The following TCF25 variants were observed in gnomAD, a reference collection of about 807,000 sequenced individuals.
TCF25 encodes the protein TCF25 ribosome quality control complex subunit, also known as ribosome quality control complex subunit TCF25.
A neutral mutation model predicts 83.1 loss-of-function variants in TCF25; 41 were observed. The ratio of observed to expected loss-of-function variants is 0.49; its 90% CI spans 0.38 to 0.64. TCF25 has a LOEUF of 0.64. TCF25 is among the 30% of genes least tolerant of loss of function. The pLI, the probability that TCF25 is intolerant of heterozygous loss-of-function variation, is 0.00. For missense variants in TCF25, 979 were observed against 914.5 expected (o/e 1.07, Z -0.91); for synonymous variants, 458 against 365.0 (o/e 1.25, Z -2.90).
At chr16:89,892,652 G>C (rs1022543870) in intron 6 of TCF25, among the ~76,000 whole-genome samples, 1 of 152,260 alleles carries the variant, frequency 6.6e-6, no homozygotes, top group Non-Finnish European at 1.5e-5. Context: ...AAGCAATCGA[G>C]TTCATTTTAA....
At chr16:89,894,686 C>T (rs971362303) in intron 7 of TCF25, among the ~76,000 whole-genome samples, 3 of 152,118 alleles carry the variant, frequency 2.0e-5, no homozygotes, top group Admixed American at 6.6e-5. Context: ...TTTTTGGAGT[C>T]GGAATCTCAC....
At chr16:89,895,912 G>C in intron 8 of TCF25, 78 bp from the exon 9 acceptor site, 1 of 1,335,816 alleles carries the variant, frequency 7.5e-7, no homozygotes, top group Non-Finnish European at 1.1e-6. Context: ...ACCTTTCCTT[G>C]TTGTCCATTA....
intron 2 of TCF25, 69 bp from the exon 3 acceptor site, chr16:89,884,513 G>C (rs1220822870): frequency 6.5e-7 from 1 of 1,547,566 alleles, no homozygotes; most frequent in African/African-American, 1.4e-5. Context: ...AGTCACGCTT[G>C]CTGCTTTAAT....
At chr16:89,875,236 C>G (rs964009968) in intron 1 of TCF25, among the ~76,000 whole-genome samples, 2 of 152,142 alleles carry the variant, frequency 1.3e-5, no homozygotes, top group Non-Finnish European at 2.9e-5. Context: ...TTTTACACTT[C>G]TTTGGTAGTG....
chr16:89,906,996 G>C (rs1422363570), intron 15 of TCF25, among the ~76,000 whole-genome samples: 1 of 152,058 alleles, frequency 6.6e-6, no homozygotes, highest in Non-Finnish European at 1.5e-5. Context: ...CACACACTCT[G>C]GTGTGCAGGG....
chr16:89,889,255 C>G (rs958984912), intron 5 of TCF25: 1 of 397,652 alleles, frequency 2.5e-6, no homozygotes, highest in African/African-American at 2.1e-5. Flanking sequence ...GTTGTCCAGT[C>G]TGGTTTTGAA....
At chr16:89,895,876 C>A in intron 8 of TCF25, 114 bp from the exon 9 acceptor site, 1 of 897,076 alleles carries the variant, frequency 1.1e-6, no homozygotes, top group Non-Finnish European at 1.7e-6. Flanking sequence ...GTGTCCAGGA[C>A]TCTAGTTTCG....
At chr16:89,896,116 C>T (rs2043827944) in intron 9 of TCF25, 33 bp downstream of exon 9, 2 of 1,599,734 alleles carry the variant, frequency 1.3e-6, no homozygotes, top group Non-Finnish European at 1.7e-6. Flanking sequence ...TGACGCAGCT[C>T]CCCTTCCCTT....
chr16:89,887,859 G>A, intron 5 of TCF25, 142 bp downstream of exon 5: 1 of 685,788 alleles, frequency 1.5e-6, no homozygotes, highest in South Asian at 2.3e-5. Context: ...TAGAATTGGG[G>A]TCTGAATGGG....
chr16:89,885,463 T>C (rs989565485), intron 3 of TCF25, among the ~76,000 whole-genome samples: 1 of 152,182 alleles, frequency 6.6e-6, no homozygotes, highest in African/African-American at 2.4e-5. Context: ...TAGTCTGTCA[T>C]CAGAAAAAAA....
At chr16:89,891,055 C>T (rs545850441) in intron 5 of TCF25, among the ~76,000 whole-genome samples, 98 of 152,280 alleles carry the variant, frequency 6.4e-4, no homozygotes, top group African/African-American at 2.1e-3. Context: ...CTTCCTACTA[C>T]GACAGCCCGG....
chr16:89,873,694 G>A lies in TCF25; in HGVS notation c.27G>A (p.Leu9=). Residue 9 remains leucine, a synonymous_variant, in exon 1 of 18, where the codon CTG becomes CTA. Coordinates refer to ENST00000263346, the MANE Select transcript of TCF25 (RefSeq NM_014972.3). The part of the protein sequence containing the change: MSRRALRR[L]RGEQRGQEPL... Reference sequence around the variant, plus strand: ...TGTCGCGCCGGGCCCTCCGGAGGCTGAGGGGGGAACAGCGCGGCCAGGAGC... The same window carrying A: ...TGTCGCGCCGGGCCCTCCGGAGGCTAAGGGGGGAACAGCGCGGCCAGGAGC... 6.2e-7 allele frequency: 1 copy of A among 1,607,752 alleles called. No individual in the cohort carries two copies. Among genetic ancestry groups the A allele is most frequent in the Non-Finnish European group, 8.5e-7 (1 of 1,178,250 alleles).
intron 16 of TCF25, among the ~76,000 whole-genome samples, chr16:89,908,639 A>G (rs372215221): frequency 4.7e-5 from 1 of 21,158 alleles, no homozygotes; most frequent in African/African-American, 1.9e-4. Flanking sequence ...CCCACCTCCC[A>G]CCTCCCAGCT....
At chr16:89,878,434 AT>A (rs34120033) in intron 1 of TCF25, 228,493 of 987,334 alleles carry the variant, frequency 0.23, 884 homozygotes, top group East Asian at 0.28. Flanking sequence ...AAAAATCACC[AT>A]TTTTTTTTTT....
chr16:89,910,353 C>CTGA lies in TCF25; in HGVS notation c.1800-237_1800-235dup, dbSNP rs1456297361. On this transcript the variant is annotated intron_variant, in intron 16 of 17. Transcript: ENST00000263346. ...GCTCCGGACGCCACGCCTGCCTCAG[C>CTGA]TGAGTTGGTCTCCCTCATCCTGTTC... 5.3e-6 allele frequency: 3 copies of CTGA among 563,118 alleles called. No homozygotes were observed. In the Admixed American group the frequency reaches 9.6e-5, roughly 18 times the overall value. The allele number at this position is 563,118 out of a possible 1,614,324, so 34.9% of individuals were successfully genotyped here. A position where few individuals can be genotyped will look rare whatever the true frequency, so the allele number is the denominator to read the frequency against.
intron 1 of TCF25, 135 bp downstream of exon 1, chr16:89,873,994 G>A: frequency 8.8e-7 from 1 of 1,142,272 alleles, no homozygotes; most frequent in Non-Finnish European, 1.2e-6. Context: ...AGCCGCAGTG[G>A]GGAGGGCGGG....
chr16:89,878,982 G>T lies in TCF25; in HGVS notation c.193-4369G>T, dbSNP rs943006556. Among the ~76,000 whole-genome samples, 3 of 152,232 alleles carry T rather than the reference G, an allele frequency of 2.0e-5. No homozygotes were observed. The South Asian group carries it at 6.2e-4, about 31-fold the overall frequency. ...TGACGGTGATTGACAGCATTTTAGA[G>T]CTGATGCATGGCAGTAGAGATTGCA... On this transcript the variant is annotated intron_variant, in intron 1 of 17. Coordinates refer to ENST00000263346, the MANE Select transcript of TCF25 (RefSeq NM_014972.3).
At position 89,892,199 on chromosome 16, in the gene TCF25, G is replaced by A; in HGVS notation, c.621G>A (p.Arg207=). ...ARAILGEQRP[R]QRQRVYPKCT... ...TGTGTCCCGTTCTCCCCAGGCCACG[G>A]CAGAGACAACGTGTGTACCCCAAGT... Residue 207 remains arginine, a synonymous_variant, in exon 6 of 18, where the codon CGG becomes CGA. Coordinates refer to ENST00000263346, the MANE Select transcript of TCF25 (RefSeq NM_014972.3). The A allele has an allele frequency of 6.2e-7, 1 of 1,610,192 alleles. No homozygotes were observed. Among genetic ancestry groups the A allele is most frequent in the Non-Finnish European group, 8.5e-7 (1 of 1,178,416 alleles).
intron 1 of TCF25, 30 bp from the exon 2 acceptor site, chr16:89,883,321 C>T (rs373723777): frequency 6.2e-7 from 1 of 1,609,982 alleles, no homozygotes; most frequent in Non-Finnish European, 8.5e-7. Flanking sequence ...GTAAGTAACG[C>T]CCTGGCTCTT....
Sources: gnomAD v4.1 joint callset for allele counts (sites outside exome capture counted in the v4.1 genomes callset) on GRCh38, gnomAD v4.1.1 for gene constraint, MANE v1.5 for transcripts, NCBI Gene and HGNC (gene_info 2026-07-23, HGNC 2026-07-21) for gene names.